CNTNAP2: variants seen among roughly 807,000 people sequenced by gnomAD.
CNTNAP2 encodes the protein contactin-associated protein-like 2.
In CNTNAP2, 98 loss-of-function variants were observed where a neutral mutation model predicts 155.2. That is an observed-to-expected ratio of 0.63 (90% CI 0.54 to 0.75). The LOEUF (loss-of-function observed/expected upper bound fraction) is 0.75. Ranked by LOEUF, CNTNAP2 falls within the 30% of genes least tolerant of loss-of-function variation. The probability of loss-of-function intolerance (pLI) is 0.00; values close to 1 mark genes in which losing one functional copy is unlikely to be tolerated. For synonymous variants in CNTNAP2, 651 were observed against 631.2 expected, an observed-to-expected ratio of 1.03 and a Z score of -0.47; for missense variants, 1,727 against 1,688.1, an observed-to-expected ratio of 1.02 and a Z score of -0.40.
intron 3 of CNTNAP2, among the ~76,000 whole-genome samples, chr7:146,885,162 C>T (rs572616200): frequency 1.2e-4 from 18 of 152,150 alleles, no homozygotes; most frequent in African/African-American, 4.1e-4. Flanking sequence ...GACATAGAAA[C>T]AATGTAAATA....
intron 13 of CNTNAP2, among the ~76,000 whole-genome samples, chr7:147,727,861 A>G (rs984489655): frequency 1.3e-5 from 2 of 151,924 alleles, no homozygotes; most frequent in African/African-American, 4.8e-5. Context: ...GATAGGAAGC[A>G]GAGAACTGTC....
chr7:146,406,532 C>A (rs1009889226), intron 1 of CNTNAP2, among the ~76,000 whole-genome samples: 5 of 152,132 alleles, frequency 3.3e-5, no homozygotes, highest in African/African-American at 9.7e-5. Context: ...GAATAAGGAG[C>A]TGAGATCTTG....
intron 13 of CNTNAP2, among the ~76,000 whole-genome samples, chr7:147,901,177 TCTA>T (rs1799862022): frequency 6.6e-6 from 1 of 152,204 alleles, no homozygotes; most frequent in Non-Finnish European, 1.5e-5. Context: ...CTCCTCCATT[TCTA>T]CTACTATTTT....
At chr7:147,080,133 T>G (rs1234102127) in intron 4 of CNTNAP2, among the ~76,000 whole-genome samples, 1 of 152,092 alleles carries the variant, frequency 6.6e-6, no homozygotes, top group African/African-American at 2.4e-5. Flanking sequence ...ATAACCAGAT[T>G]GCTCCCTGTT....
intron 3 of CNTNAP2, among the ~76,000 whole-genome samples, chr7:146,974,266 T>G (rs1797862409): frequency 6.6e-6 from 1 of 151,774 alleles, no homozygotes; most frequent in Non-Finnish European, 1.5e-5. Context: ...GCCAACATGG[T>G]GAAACCCCAT....
chr7:148,279,104 T>C (rs1796928923), intron 21 of CNTNAP2, among the ~76,000 whole-genome samples: 1 of 152,182 alleles, frequency 6.6e-6, no homozygotes, highest in South Asian at 2.1e-4. Context: ...GAGTCTGCAT[T>C]TTATTCTAAA....
At chr7:147,601,399 A>T (rs1418146009) in intron 12 of CNTNAP2, among the ~76,000 whole-genome samples, 4 of 151,698 alleles carry the variant, frequency 2.6e-5, no homozygotes. Context: ...GGGGTGGGGG[A>T]CACAAGGTGC....
intron 1 of CNTNAP2, among the ~76,000 whole-genome samples, chr7:146,752,261 A>G (rs987124588): frequency 2.6e-5 from 4 of 152,006 alleles, no homozygotes; most frequent in Admixed American, 6.5e-5. Context: ...ATGCATTCCT[A>G]TTTTTCCACA....
At chr7:146,843,963 T>C (rs948122741) in intron 3 of CNTNAP2, among the ~76,000 whole-genome samples, 1 of 152,122 alleles carries the variant, frequency 6.6e-6, no homozygotes, top group Non-Finnish European at 1.5e-5. Flanking sequence ...CTGAGAAATA[T>C]AGAAGATAAT....
chr7:147,632,966 A>G (rs1795113085), intron 12 of CNTNAP2, among the ~76,000 whole-genome samples: 1 of 152,210 alleles, frequency 6.6e-6, no homozygotes, highest in South Asian at 2.1e-4. Flanking sequence ...AGCAGAGCAT[A>G]AAAGTTTGGA....
intron 11 of CNTNAP2, among the ~76,000 whole-genome samples, chr7:147,548,892 A>G (rs1235189719): frequency 6.6e-6 from 1 of 151,970 alleles, no homozygotes; most frequent in Non-Finnish European, 1.5e-5. Flanking sequence ...TTTTTGTCGC[A>G]TTTGTCAAAG....
At chr7:146,315,434 C>G (rs551424026) in intron 1 of CNTNAP2, among the ~76,000 whole-genome samples, 86 of 152,236 alleles carry the variant, frequency 5.6e-4, no homozygotes, top group Non-Finnish European at 1.0e-3. Context: ...GCACTGTGCT[C>G]AGGGTGGGGT....
At chr7:147,067,873 A>T (rs984910493) in intron 4 of CNTNAP2, among the ~76,000 whole-genome samples, 2 of 152,166 alleles carry the variant, frequency 1.3e-5, no homozygotes, top group African/African-American at 4.8e-5. Flanking sequence ...TTAGTTTCTT[A>T]TATGGCACAA....
intron 9 of CNTNAP2, among the ~76,000 whole-genome samples, chr7:147,305,255 G>A (rs1050729379): frequency 2.0e-5 from 3 of 152,148 alleles, no homozygotes; most frequent in South Asian, 2.1e-4. Context: ...AGGCAAAAAC[G>A]AGCTAACCAG....
chr7:147,589,578 A>T (rs889100700), intron 12 of CNTNAP2, among the ~76,000 whole-genome samples: 8 of 152,114 alleles, frequency 5.3e-5, no homozygotes, highest in South Asian at 2.1e-4. Context: ...TTAAAAATAT[A>T]TTTTTAATTT....
intron 13 of CNTNAP2, among the ~76,000 whole-genome samples, chr7:147,876,379 G>A (rs1371411040): frequency 2.6e-5 from 4 of 152,078 alleles, no homozygotes; most frequent in Admixed American, 6.5e-5. Context: ...GGAGAAAAAC[G>A]TTTAAATGTA....
chr7:146,969,149 A>G (rs1157634609), intron 3 of CNTNAP2, among the ~76,000 whole-genome samples: 2 of 151,550 alleles, frequency 1.3e-5, no homozygotes, highest in South Asian at 2.1e-4. Flanking sequence ...CCTGAGTTCT[A>G]GTTTGATTGC....
At chr7:148,204,781 C>T (rs1795420727) in intron 18 of CNTNAP2, among the ~76,000 whole-genome samples, 1 of 152,278 alleles carries the variant, frequency 6.6e-6, no homozygotes. Flanking sequence ...GCACAATCGT[C>T]GCCTAGACAG....
intron 3 of CNTNAP2, among the ~76,000 whole-genome samples, chr7:146,840,739 C>G (rs1278084602): frequency 1.3e-5 from 2 of 152,120 alleles, no homozygotes; most frequent in Non-Finnish European, 2.9e-5. Context: ...TCATGAATCA[C>G]TCTTGTAGAC....
Sources: gnomAD v4.1 joint callset for allele counts (sites outside exome capture counted in the v4.1 genomes callset) on GRCh38, gnomAD v4.1.1 for gene constraint, MANE v1.5 for transcripts, NCBI Gene and HGNC (gene_info 2026-07-23, HGNC 2026-07-21) for gene names.